Variants in CATSPERD observed in about 807,000 individuals in gnomAD.
CATSPERD encodes catsper channel auxiliary subunit delta.
A neutral mutation model predicts 98.1 loss-of-function variants in CATSPERD; 86 were observed. That is an observed-to-expected ratio of 0.88 (90% CI 0.74 to 1.05). CATSPERD has a LOEUF of 1.05. CATSPERD is among the 50% of genes least tolerant of loss of function. CATSPERD has a pLI of 0.00. For missense variants in CATSPERD, 995 were observed against 1,005.7 expected (o/e 0.99, Z 0.14); for synonymous variants, 394 against 390.2 (o/e 1.01, Z -0.12).
At chr19:5,771,534 G>A (rs558862283) in intron 19 of CATSPERD, among the ~76,000 whole-genome samples, 10 of 151,890 alleles carry the variant, frequency 6.6e-5, no homozygotes, top group East Asian at 1.9e-4. Flanking sequence ...CACTGCGCCC[G>A]GCCGATGGGC....
intron 17 of CATSPERD, 134 bp from the exon 18 acceptor site, chr19:5,768,034 G>A (rs1378263150): frequency 3.4e-6 from 2 of 586,240 alleles, no homozygotes; most frequent in Non-Finnish European, 6.1e-6. Context: ...CTGACCTCAG[G>A]TGATCCGCCC....
chr19:5,730,844 C>T lies in CATSPERD; in HGVS notation c.276+900C>T, dbSNP rs560166260. Among the ~76,000 whole-genome samples the T allele has an allele frequency of 9.9e-5, 15 of 151,500 alleles. No homozygotes were observed. In the South Asian group the frequency reaches 2.7e-3, roughly 27 times the overall value. ...TGAAACCCTGTCTCTACTAAAAATA[C>T]AAAAAAATTAGCTGGGCGTGGTGGC... On this transcript the variant is annotated intron_variant, in intron 4 of 21. Coordinates refer to ENST00000381624, the MANE Select transcript of CATSPERD (RefSeq NM_152784.4).
intron 5 of CATSPERD, among the ~76,000 whole-genome samples, 198 bp from the exon 6 acceptor site, chr19:5,736,940 C>T (rs186860896): frequency 2.7e-4 from 40 of 150,768 alleles, no homozygotes; most frequent in Non-Finnish European, 5.5e-4. Context: ...GCCTGTAGTC[C>T]CAGCTACTCA....
rs973617059 is a variant in CATSPERD, at chr19:5,729,912, C to T, written c.244C>T (p.Leu82Phe). The T allele has an allele frequency of 6.3e-7, 1 of 1,598,660 alleles. No homozygotes were observed. Residue 82 changes from leucine to phenylalanine, a missense_variant, in exon 4 of 22, where the codon CTC (leucine) becomes TTC (phenylalanine). Leu to Phe is a conservative substitution (Grantham distance 22). Transcript: ENST00000381624. Reference sequence around the variant, plus strand: ...CACAATGGATAACTTTGAGACTAGTCTCCTTCCATTTACCATCCCTACATC... The same window carrying T: ...CACAATGGATAACTTTGAGACTAGTTTCCTTCCATTTACCATCCCTACATC... ...FFTMDNFETSLLPFTIPTSMQ... is the reference protein window; with the variant it reads ...FFTMDNFETSFLPFTIPTSMQ...
chr19:5,746,417 G>A (rs574090782), intron 9 of CATSPERD, among the ~76,000 whole-genome samples: 3 of 148,884 alleles, frequency 2.0e-5, no homozygotes, highest in Non-Finnish European at 4.5e-5. Flanking sequence ...AGGAGGCTTC[G>A]TATTTAACAT....
At chr19:5,778,207 CAA>C (rs555139661) in intron 21 of CATSPERD, among the ~76,000 whole-genome samples, 167 bp from the exon 22 acceptor site, 21 of 82,354 alleles carry the variant, frequency 2.5e-4, no homozygotes, top group Admixed American at 4.4e-4. Context: ...GACTCCGACT[CAA>C]AAAAAAAAAA....
At chr19:5,762,923 AGATAGATGGATGGATGAATAAGTG>A (rs1168329315) in intron 15 of CATSPERD, among the ~76,000 whole-genome samples, 1 of 142,200 alleles carries the variant, frequency 7.0e-6, no homozygotes, top group Non-Finnish European at 1.5e-5. Context: ...AGAGATGAAT[AGATAGATGGATGGATGAATAAGTG>A]GATAGATGGA....
chr19:5,760,200 A>T (rs2056408436), intron 15 of CATSPERD, among the ~76,000 whole-genome samples: 1 of 151,206 alleles, frequency 6.6e-6, no homozygotes, highest in East Asian at 1.9e-4. Context: ...AGAGATCGAG[A>T]CCAGCCTGGC....
intron 19 of CATSPERD, 143 bp downstream of exon 19, chr19:5,771,215 C>G: frequency 1.0e-6 from 1 of 954,818 alleles, no homozygotes; most frequent in Non-Finnish European, 1.5e-6. Context: ...TGCTCCTGCC[C>G]CAGCCCCACT....
chr19:5,765,411 TTCATTCATTCATTC>T (rs767297282), intron 16 of CATSPERD, among the ~76,000 whole-genome samples: 11,443 of 36,470 alleles, frequency 0.31, 996 homozygotes, highest in African/African-American at 0.35. Context: ...GATTTATTCA[TTCATTCATTCATTC>T]ATTCATTCAT....
intron 5 of CATSPERD, among the ~76,000 whole-genome samples, chr19:5,735,160 CAG>C (rs577784301): frequency 1.0e-3 from 157 of 152,256 alleles, no homozygotes; most frequent in Middle Eastern, 3.4e-3. Flanking sequence ...TTTCTGGAGA[CAG>C]AGTCTCACTC....
chr19:5,759,860 G>A (rs1272025183), intron 15 of CATSPERD, among the ~76,000 whole-genome samples: 4 of 151,886 alleles, frequency 2.6e-5, no homozygotes, highest in Admixed American at 2.0e-4. Context: ...CAGATCACCT[G>A]AGGTCAGGAG....
chr19:5,748,081 T>G (rs1402214199), intron 9 of CATSPERD, 79 bp from the exon 10 acceptor site: 8 of 1,164,642 alleles, frequency 6.9e-6, no homozygotes. Flanking sequence ...GTGGCAGGGG[T>G]GGCTGTGGTC....
rs2055910657 is a variant in CATSPERD, at chr19:5,739,308, TC to T, written c.460-17del. Reference sequence around the variant, plus strand: ...TGGCATCTTTCTTTCATTCTTTCTTTCTTTTTTTTTTTTATAGCATGTCAGT... The same window carrying T: ...TGGCATCTTTCTTTCATTCTTTCTTTTTTTTTTTTTTTATAGCATGTCAGT... On this transcript the variant is annotated splice_polypyrimidine_tract_variant and intron_variant, in intron 6 of 21. Coordinates refer to ENST00000381624, the MANE Select transcript of CATSPERD (RefSeq NM_152784.4). 1.5e-6 allele frequency: 2 copies of T among 1,302,838 alleles called. No individual in the cohort carries two copies. Among genetic ancestry groups the T allele is most frequent in the Non-Finnish European group, 2.2e-6 (2 of 915,502 alleles). 80.7% of individuals were successfully genotyped at this position (1,302,838 alleles called of 1,614,324 possible).
intron 4 of CATSPERD, among the ~76,000 whole-genome samples, chr19:5,732,206 C>T (rs990256246): frequency 6.6e-6 from 1 of 151,760 alleles, no homozygotes; most frequent in Non-Finnish European, 1.5e-5. Flanking sequence ...AACTCCTGAC[C>T]TCAGGTGATC....
intron 5 of CATSPERD, among the ~76,000 whole-genome samples, chr19:5,734,230 C>T (rs942735154): frequency 1.3e-5 from 2 of 152,190 alleles, no homozygotes; most frequent in African/African-American, 2.4e-5. Context: ...TGGCCGGGTG[C>T]GCTGGCTCAC....
At position 5,754,121 on chromosome 19, in the gene CATSPERD, T is replaced by G. The variant is rs745424823; in HGVS notation, c.1165-11T>G. ...AGCATGATTATCTTTCTTCTTCGCC[T>G]TTTTAACTAGATAGAGTTTCTGACA... On this transcript the variant is annotated splice_polypyrimidine_tract_variant and intron_variant, in intron 12 of 21. Coordinates refer to ENST00000381624, the MANE Select transcript of CATSPERD (RefSeq NM_152784.4). 19 of 1,555,454 alleles carry G rather than the reference T, an allele frequency of 1.2e-5. No homozygotes were observed. The highest frequency in any genetic ancestry group is 1.7e-5 in the Non-Finnish European group (19 of 1,126,832).
chr19:5,753,386 A>G (rs181899246), intron 12 of CATSPERD: 86 of 170,052 alleles, frequency 5.1e-4, no homozygotes, highest in Non-Finnish European at 6.6e-4. Context: ...GTGAAACCCC[A>G]TCTCTACCAA....
intron 18 of CATSPERD, among the ~76,000 whole-genome samples, chr19:5,770,663 C>T (rs989563800): frequency 1.3e-5 from 2 of 151,948 alleles, no homozygotes; most frequent in African/African-American, 4.8e-5. Context: ...TGCCTGTAAT[C>T]CCAGCCACTC....
Sources: gnomAD v4.1 joint callset for allele counts (sites outside exome capture counted in the v4.1 genomes callset) on GRCh38, gnomAD v4.1.1 for gene constraint, MANE v1.5 for transcripts, NCBI Gene and HGNC (gene_info 2026-07-23, HGNC 2026-07-21) for gene names.